Variants in ADI1 observed in about 807,000 individuals in gnomAD.
ADI1 encodes the protein acireductone dioxygenase 1.
A neutral mutation model predicts 18.7 loss-of-function variants in ADI1; 21 were observed. The ratio of observed to expected loss-of-function variants is 1.13; its 90% CI spans 0.80 to 1.62. The LOEUF is 1.62. Ranked by LOEUF, ADI1 falls within the 40% of genes most tolerant of loss-of-function variation. The pLI, the probability that ADI1 is intolerant of heterozygous loss-of-function variation, is 0.00. For synonymous variants in ADI1, 90 were observed against 100.1 expected, an observed-to-expected ratio of 0.90 and a Z score of 0.60; for missense variants, 245 against 254.9, an observed-to-expected ratio of 0.96 and a Z score of 0.26.
intron 1 of ADI1, chr2:3,514,844 C>A (rs1259699823): frequency 3.9e-6 from 6 of 1,548,782 alleles, no homozygotes; most frequent in South Asian, 1.2e-5. Context: ...AAGTCAGGGA[C>A]CCCGAATGGA....
At chr2:3,517,702 G>GT (rs1421475826) in intron 1 of ADI1, 1 of 151,942 alleles carries the variant, frequency 6.6e-6, no homozygotes, top group East Asian at 1.9e-4. Flanking sequence ...GGAAGATGAG[G>GT]TTGCGGTGAG....
At chr2:3,499,820 C>A (rs370295762) in intron 3 of ADI1, among the ~76,000 whole-genome samples, 8 of 152,102 alleles carry the variant, frequency 5.3e-5, no homozygotes, top group African/African-American at 1.7e-4. Flanking sequence ...AATGTAGAAC[C>A]ATGGGAGGCC....
intron 1 of ADI1, among the ~76,000 whole-genome samples, chr2:3,518,989 A>C (rs1667493645): frequency 1.3e-5 from 2 of 150,124 alleles, no homozygotes; most frequent in Non-Finnish European, 3.0e-5. Flanking sequence ...GCCGACCCCC[A>C]CCAGCCCCGC....
intron 2 of ADI1, among the ~76,000 whole-genome samples, chr2:3,513,062 C>T (rs1667324708): frequency 6.6e-6 from 1 of 152,222 alleles, no homozygotes; most frequent in Admixed American, 6.5e-5. Flanking sequence ...TTTGAACTTT[C>T]ATGGGTCCTG....
intron 2 of ADI1, 76 bp from the exon 3 acceptor site, chr2:3,501,069 T>C: frequency 7.2e-7 from 1 of 1,392,424 alleles, no homozygotes; most frequent in African/African-American, 1.5e-5. Context: ...CTCAGCAGCC[T>C]GAGCCTTTGG....
intron 1 of ADI1, among the ~76,000 whole-genome samples, chr2:3,518,828 C>T (rs573643398): frequency 2.0e-4 from 31 of 152,370 alleles, no homozygotes; most frequent in African/African-American, 6.5e-4. Context: ...CAGCCCGCCT[C>T]CGGCGAATCT....
In ADI1 at chr2:3,500,825, C is replaced by T; in HGVS notation, c.409G>A (p.Val137Met). 1.2e-6 allele frequency: 2 copies of T among 1,614,156 alleles called. No individual in the cohort carries two copies. Among genetic ancestry groups the T allele is most frequent in the Non-Finnish European group, 1.7e-6 (2 of 1,179,958 alleles). The change falls in exon 3 of 4, where the codon GTG (valine) becomes ATG (methionine). Residue 137 changes from valine (V) to methionine (M), a missense_variant. By Grantham distance (21) the Val-to-Met change is conservative. Transcript: ENST00000327435. The stretch of plus-strand genomic sequence containing the variant: ...CACAGCACTCCCACCTTCTCGTCCA[C>T]CGTGAAGCGGTGATAGATCCCCGCG... ...LPAGIYHRFT[V>M]DEKNYTKAMR...
At chr2:3,505,768 T>C (rs1667162467) in intron 2 of ADI1, among the ~76,000 whole-genome samples, 1 of 152,134 alleles carries the variant, frequency 6.6e-6, no homozygotes, top group Non-Finnish European at 1.5e-5. Flanking sequence ...CCCTCTAATA[T>C]GGTGGTATTA....
At chr2:3,515,940 T>G in intron 1 of ADI1, 1 of 985,456 alleles carries the variant, frequency 1.0e-6, no homozygotes, top group Non-Finnish European at 1.2e-6. Context: ...ATACGTTATT[T>G]TCTACAAAGT....
rs1666919482 is a variant in ADI1, at chr2:3,498,705, C to T, written c.*258G>A. The T allele has an allele frequency of 5.0e-6, 2 of 399,066 alleles. No homozygotes were observed. Among genetic ancestry groups the T allele is most frequent in the Non-Finnish European group, 8.6e-6 (2 of 231,622 alleles). The allele number at this position is 399,066 out of a possible 1,614,324, so 24.7% of individuals were successfully genotyped here. A position where few individuals can be genotyped will look rare whatever the true frequency, so the allele number is the denominator to read the frequency against. On this transcript the variant is annotated 3_prime_UTR_variant, in exon 4 of 4. Transcript: ENST00000327435. ...GATGAAACTTTCATTTGGGACTCAA[C>T]TGAATGCATGAACTAACACAGGGCC...
intron 1 of ADI1, chr2:3,514,854 AG>A: frequency 6.5e-7 from 1 of 1,548,624 alleles, no homozygotes; most frequent in Non-Finnish European, 8.7e-7. Context: ...CCCCGAATGG[AG>A]GGACCGGCTG....
At chr2:3,509,639 G>A (rs893823708) in intron 2 of ADI1, among the ~76,000 whole-genome samples, 1 of 152,004 alleles carries the variant, frequency 6.6e-6, no homozygotes, top group African/African-American at 2.4e-5. Flanking sequence ...AAAATGAAAT[G>A]AAAATAAAAA....
intron 2 of ADI1, among the ~76,000 whole-genome samples, chr2:3,511,607 C>A (rs1265823197): frequency 6.6e-6 from 1 of 152,168 alleles, no homozygotes; most frequent in Non-Finnish European, 1.5e-5. Flanking sequence ...AATGCAAGAA[C>A]AACCTAATAC....
At chr2:3,512,414 A>C (rs1238725527) in intron 2 of ADI1, among the ~76,000 whole-genome samples, 1 of 152,200 alleles carries the variant, frequency 6.6e-6, no homozygotes, top group Non-Finnish European at 1.5e-5. Context: ...GAATGGTTTC[A>C]TGGGTCAGGC....
Position 3,497,431 on chromosome 2 carries a change from T to A in ADI1, c.*1532A>T, listed in dbSNP as rs1260616741. ...ATAAAAACGAAAGATGTGAGCAACA[T>A]CCTGGGAAAAGAAAATGTGATTTCA... On this transcript the variant is annotated 3_prime_UTR_variant, in exon 4 of 4. Transcript: ENST00000327435. 4.6e-5 allele frequency: 7 copies of A among 152,186 alleles called. No homozygotes were observed. Among genetic ancestry groups the A allele is most frequent in the African/African-American group, 1.7e-4 (7 of 41,452 alleles). 9.4% of individuals were successfully genotyped at this position (152,186 alleles called of 1,614,324 possible).
intron 2 of ADI1, among the ~76,000 whole-genome samples, chr2:3,507,729 G>T (rs1036408298): frequency 6.6e-6 from 1 of 152,208 alleles, no homozygotes; most frequent in Admixed American, 6.5e-5. Context: ...AGAGAGAACA[G>T]AAATAAGAAG....
rs1281116190 is a variant in ADI1 at position 3,499,083 on chromosome 2, C to G, written c.421-1G>C. On this transcript the variant is annotated splice_acceptor_variant, in intron 3 of 3. Transcript: ENST00000327435. LOFTEE classifies it high-confidence loss of function. ...ACAGCCGCATGGCCTTCGTGTAGTT[C>G]TGGAAAACAGACAAACACACCCAGC... 1 of 1,613,152 alleles carries G rather than the reference C, an allele frequency of 6.2e-7. No homozygotes were observed. Among genetic ancestry groups the G allele is most frequent in the East Asian group, 2.2e-5 (1 of 44,846 alleles).
chr2:3,506,424 T>G (rs1667178810), intron 2 of ADI1, among the ~76,000 whole-genome samples: 3 of 152,332 alleles, frequency 2.0e-5, no homozygotes, highest in African/African-American at 7.2e-5. Context: ...AAGTGATATT[T>G]GAAATTCAAA....
rs1220616545 is a variant in ADI1, at chr2:3,503,313, G to A, written c.241-2320C>T. 2.2e-5 allele frequency among the ~76,000 whole-genome samples: 3 copies of A among 133,470 alleles called. 1 individual carries two copies. Among genetic ancestry groups the A allele is most frequent in the Non-Finnish European group, 4.6e-5 (3 of 64,572 alleles). The allele number at this position is 133,470 out of a possible 152,430, so 87.6% of individuals were successfully genotyped here. On this transcript the variant is annotated intron_variant, in intron 2 of 3. Coordinates refer to ENST00000327435, the MANE Select transcript of ADI1 (RefSeq NM_018269.4). ...CACATGCACACATACACACTGACAC[G>A]CACATTCACACACATGCACACATAC...
Sources: gnomAD v4.1 joint callset for allele counts (sites outside exome capture counted in the v4.1 genomes callset) on GRCh38, gnomAD v4.1.1 for gene constraint, MANE v1.5 for transcripts, NCBI Gene and HGNC (gene_info 2026-07-23, HGNC 2026-07-21) for gene names.